The following KCNIP4 variants were observed in gnomAD, a reference collection of about 807,000 sequenced individuals.
KCNIP4 encodes potassium voltage-gated channel interacting protein 4.
Under a neutral mutation model 34.0 loss-of-function variants are expected in KCNIP4, and 12 were observed. That is an observed-to-expected ratio of 0.35 (90% CI 0.23 to 0.57). KCNIP4 has a LOEUF of 0.57. Ranked by LOEUF, KCNIP4 falls within the 20% of genes least tolerant of loss-of-function variation. The pLI, the probability that KCNIP4 is intolerant of heterozygous loss-of-function variation, is 0.83. For missense variants in KCNIP4, 238 were observed against 311.7 expected, an observed-to-expected ratio of 0.76 and a Z score of 1.78; for synonymous variants, 124 against 102.2, an observed-to-expected ratio of 1.21 and a Z score of -1.29.
intron 1 of KCNIP4, among the ~76,000 whole-genome samples, chr4:21,601,643 G>T (rs1482947574): frequency 2.6e-5 from 4 of 151,946 alleles, no homozygotes; most frequent in Non-Finnish European, 5.9e-5. Context: ...CCATCCATTG[G>T]TCTATAAGGT....
At chr4:20,774,572 A>G (rs1756208313) in intron 3 of KCNIP4, among the ~76,000 whole-genome samples, 1 of 152,258 alleles carries the variant, frequency 6.6e-6, no homozygotes, top group African/African-American at 2.4e-5. Context: ...TGACTATCAG[A>G]GAAGTCACAC....
intron 1 of KCNIP4, among the ~76,000 whole-genome samples, chr4:21,412,172 T>C (rs1175034822): frequency 6.6e-6 from 1 of 152,154 alleles, no homozygotes; most frequent in Non-Finnish European, 1.5e-5. Context: ...AGTCTAACCA[T>C]TTTGTAGCTC....
intron 1 of KCNIP4, among the ~76,000 whole-genome samples, chr4:21,091,406 G>A (rs187650065): frequency 1.3e-5 from 2 of 152,248 alleles, no homozygotes; most frequent in South Asian, 2.1e-4. Flanking sequence ...AGGGCATTAA[G>A]GCTTAAGATA....
chr4:21,693,894 T>C (rs1415348416), intron 1 of KCNIP4, among the ~76,000 whole-genome samples: 1 of 152,196 alleles, frequency 6.6e-6, no homozygotes. Context: ...AACTTGGACA[T>C]GCCTATAACT....
intron 1 of KCNIP4, among the ~76,000 whole-genome samples, chr4:20,968,179 C>T (rs1283176155): frequency 6.6e-6 from 1 of 152,166 alleles, no homozygotes; most frequent in African/African-American, 2.4e-5. Context: ...TGAAAAAATG[C>T]TCATCATCAC....
At chr4:21,857,517 G>A (rs1008548544) in intron 1 of KCNIP4, among the ~76,000 whole-genome samples, 1 of 152,090 alleles carries the variant, frequency 6.6e-6, no homozygotes, top group African/African-American at 2.4e-5. Context: ...TCTCTGCTGA[G>A]AGGTGAGAAG....
intron 3 of KCNIP4, among the ~76,000 whole-genome samples, chr4:20,849,159 A>G (rs1344708178): frequency 6.6e-6 from 1 of 152,094 alleles, no homozygotes; most frequent in East Asian, 1.9e-4. Flanking sequence ...AGATTCCTTT[A>G]ATCAGTGGTC....
chr4:21,807,365 T>A (rs1041107820), intron 1 of KCNIP4, among the ~76,000 whole-genome samples: 1 of 152,142 alleles, frequency 6.6e-6, no homozygotes, highest in Admixed American at 6.5e-5. Context: ...ATCTGGTAAT[T>A]TACACATCTC....
intron 1 of KCNIP4, among the ~76,000 whole-genome samples, chr4:21,732,156 C>T (rs6835916): frequency 0.12 from 18,023 of 151,570 alleles, 3,643 homozygotes; most frequent in African/African-American, 0.41. Flanking sequence ...GTGTAATGTG[C>T]CCAGTAATGA....
rs545528745 is a variant in KCNIP4 at position 21,420,742 on chromosome 4, T to C, written c.61+527829A>G. On this transcript the variant is annotated intron_variant, in intron 1 of 8. Transcript: ENST00000382152. ...CTCGACATTGATCTGAGCAAACTTT[T>C]TGATATAATCTCAAAAGCAAAGGCA... Among the ~76,000 whole-genome samples the C allele has an allele frequency of 7.2e-5, 11 of 152,324 alleles. No individual in the cohort carries two copies. In the East Asian group the frequency reaches 1.9e-3, roughly 27 times the overall value.
At chr4:20,936,166 C>T (rs567841904) in intron 1 of KCNIP4, among the ~76,000 whole-genome samples, 35 of 152,018 alleles carry the variant, frequency 2.3e-4, no homozygotes, top group Non-Finnish European at 4.4e-4. Context: ...ACAAGGATCA[C>T]TACACTTTAT....
At chr4:20,798,685 G>A (rs767328273) in intron 3 of KCNIP4, among the ~76,000 whole-genome samples, 3 of 152,178 alleles carry the variant, frequency 2.0e-5, no homozygotes, top group Non-Finnish European at 2.9e-5. Context: ...AAGATACCTC[G>A]CCTCCGCCAC....
intron 1 of KCNIP4, among the ~76,000 whole-genome samples, chr4:20,946,708 G>A (rs969073666): frequency 7.9e-5 from 12 of 152,092 alleles, no homozygotes; most frequent in Non-Finnish European, 1.2e-4. Context: ...GTCAGGCACC[G>A]TGTCTTAGTG....
At chr4:21,041,559 A>G (rs558323073) in intron 1 of KCNIP4, among the ~76,000 whole-genome samples, 3 of 152,238 alleles carry the variant, frequency 2.0e-5, no homozygotes, top group Non-Finnish European at 4.4e-5. Flanking sequence ...TTGTACCTCA[A>G]AATCCCCACA....
At chr4:21,555,708 G>T (rs775743440) in intron 1 of KCNIP4, among the ~76,000 whole-genome samples, 2 of 152,104 alleles carry the variant, frequency 1.3e-5, no homozygotes, top group East Asian at 1.9e-4. Context: ...AGATTTCTTT[G>T]TCATGCTTGA....
chr4:21,179,792 T>A (rs952291322), intron 1 of KCNIP4, among the ~76,000 whole-genome samples: 5 of 152,236 alleles, frequency 3.3e-5, no homozygotes, highest in African/African-American at 4.8e-5. Flanking sequence ...CAATGTTTTT[T>A]AAAAAATGCT....
rs528290810 is a variant in KCNIP4, at chr4:21,200,043, G to T, written c.62-317334C>A. Among the ~76,000 whole-genome samples the T allele has an allele frequency of 3.6e-3, 540 of 152,094 alleles. 4 individuals carry two copies. Among genetic ancestry groups the T allele is most frequent in the South Asian group, 0.021 (100 of 4,820 alleles). ...ACATCACACACTGGGGCCTGTTGTG[G>T]GGTGGGGGAAGCGGGGAGGGATAGC... On this transcript the variant is annotated intron_variant, in intron 1 of 8. Transcript: ENST00000382152.
In KCNIP4 at chr4:21,547,594, G is replaced by A. The variant is rs1738243891; in HGVS notation, c.61+400977C>T. ...TCTCTTGGTTATTCAGAATTTTAAA[G>A]GGACCATATTACCCTATAAACTTAA... On this transcript the variant is annotated intron_variant, in intron 1 of 8. Coordinates refer to ENST00000382152, the MANE Select transcript of KCNIP4 (RefSeq NM_025221.6). Among the ~76,000 whole-genome samples, 2 of 151,988 alleles carry A rather than the reference G, an allele frequency of 1.3e-5. 1 individual carries two copies. The highest frequency in any genetic ancestry group is 4.8e-5 in the African/African-American group (2 of 41,382).
intron 3 of KCNIP4, among the ~76,000 whole-genome samples, chr4:20,849,515 G>T (rs1720774455): frequency 1.3e-5 from 2 of 152,182 alleles, no homozygotes; most frequent in Admixed American, 1.3e-4. Flanking sequence ...TATCTAGTCT[G>T]CATAAGGTTG....
Sources: allele counts gnomAD v4.1 joint callset (sites outside exome capture counted in the v4.1 genomes callset), GRCh38; gene constraint gnomAD v4.1.1; transcripts MANE v1.5; gene names NCBI Gene and HGNC (gene_info 2026-07-23, HGNC 2026-07-21).